The following SAMHD1 variants were observed in gnomAD, a reference collection of about 807,000 sequenced individuals.
The protein encoded by SAMHD1 is SAM and HD domain containing deoxynucleoside triphosphate triphosphohydrolase 1.
SAMHD1 carries 54 observed loss-of-function variants against 79.6 expected under a neutral mutation model. The observed-to-expected ratio is 0.68, with a 90% CI of 0.55 to 0.85. The LOEUF is 0.85. Ranked by LOEUF, SAMHD1 falls within the 40% of genes least tolerant of loss-of-function variation. The probability of loss-of-function intolerance (pLI) is 0.00; values close to 1 mark genes in which losing one functional copy is unlikely to be tolerated. For synonymous variants in SAMHD1, 260 were observed against 264.1 expected, an observed-to-expected ratio of 0.98 and a Z score of 0.15; for missense variants, 663 against 782.7, an observed-to-expected ratio of 0.85 and a Z score of 1.82.
At chr20:36,939,075 C>CAAAAA (rs1178988134) in intron 3 of SAMHD1, among the ~76,000 whole-genome samples, 2,386 of 22,516 alleles carry the variant, frequency 0.11, 169 homozygotes, top group Admixed American at 0.11. Context: ...CTAAAAATAC[C>CAAAAA]AAAAAAAAAA....
At chr20:36,936,581 C>A (rs1281698009) in intron 3 of SAMHD1, among the ~76,000 whole-genome samples, 1 of 152,044 alleles carries the variant, frequency 6.6e-6, no homozygotes, top group Non-Finnish European at 1.5e-5. Context: ...GCTGGAATTA[C>A]AGGCATGAGC....
chr20:36,910,505 G>A (rs1432008721), intron 11 of SAMHD1, among the ~76,000 whole-genome samples: 1 of 152,044 alleles, frequency 6.6e-6, no homozygotes, highest in Non-Finnish European at 1.5e-5. Context: ...GGAGGCGGGT[G>A]GATCACATGA....
At chr20:36,929,339 C>A (rs551217134) in intron 5 of SAMHD1, among the ~76,000 whole-genome samples, 88 of 152,132 alleles carry the variant, frequency 5.8e-4, no homozygotes, top group Non-Finnish European at 1.2e-3. Context: ...CAGTGGCATG[C>A]ACCTCCCTTC....
At position 36,934,246 on chromosome 20, in the gene SAMHD1, C is replaced by T. The variant is rs118149117; in HGVS notation, c.509+783G>A. Among the ~76,000 whole-genome samples, 709 of 151,726 alleles carry T rather than the reference C, an allele frequency of 4.7e-3. 12 individuals carry two copies. Among genetic ancestry groups the T allele is most frequent in the East Asian group, 0.028 (142 of 5,130 alleles). ...TAAATAAAAAGCCTCAATTTTGGGG[C>T]TGGGCACAGTGGCTCATACCTGTAA... is the stretch of plus-strand genomic sequence containing the variant. On this transcript the variant is annotated intron_variant, in intron 4 of 15. Transcript: ENST00000646673.
intron 7 of SAMHD1, 77 bp downstream of exon 7, chr20:36,919,287 G>C (rs1277887369): frequency 7.1e-7 from 1 of 1,402,824 alleles, no homozygotes; most frequent in East Asian, 2.3e-5. Flanking sequence ...ATAGCCAAAT[G>C]TATAACTCAG....
chr20:36,929,945 G>T (rs1211093006), intron 5 of SAMHD1, among the ~76,000 whole-genome samples: 1 of 151,964 alleles, frequency 6.6e-6, no homozygotes. Flanking sequence ...GAAGGACAAG[G>T]CCAGGCGCGG....
chr20:36,914,837 T>C (rs2063465954), intron 9 of SAMHD1, among the ~76,000 whole-genome samples: 1 of 147,076 alleles, frequency 6.8e-6, no homozygotes, highest in Non-Finnish European at 1.5e-5. Context: ...CGAAACCCTG[T>C]CTCTACAAAA....
intron 6 of SAMHD1, among the ~76,000 whole-genome samples, chr20:36,925,001 CAA>C: frequency 6.6e-6 from 1 of 151,622 alleles, no homozygotes; most frequent in African/African-American, 2.4e-5. Context: ...ACTAAAAATA[CAA>C]AAGTCAGCCA....
intron 9 of SAMHD1, among the ~76,000 whole-genome samples, chr20:36,913,710 A>T (rs908090669): frequency 6.6e-6 from 1 of 150,514 alleles, no homozygotes; most frequent in African/African-American, 2.4e-5. Context: ...TCCTCCCAAT[A>T]ACTCTAGGAA....
At chr20:36,924,078 C>G (rs2063522311) in intron 6 of SAMHD1, among the ~76,000 whole-genome samples, 1 of 152,068 alleles carries the variant, frequency 6.6e-6, no homozygotes, top group Non-Finnish European at 1.5e-5. Context: ...GTGAGGCCCA[C>G]TCCCTCTACA....
chr20:36,900,786 A>C (rs1014366518), intron 13 of SAMHD1, among the ~76,000 whole-genome samples: 11 of 145,510 alleles, frequency 7.6e-5, no homozygotes, highest in Middle Eastern at 3.9e-3. Flanking sequence ...GTTGGCCAGG[A>C]TGGTCTCGAT....
In SAMHD1 at chr20:36,905,669, C is replaced by A. The variant is rs544318583; in HGVS notation, c.1271-166G>T. ...TTTTAAAAGATTTAAGTGAAAAAAC[C>A]TTTTAAAACTGTTCCAGTCGGCCAG... On this transcript the variant is annotated intron_variant, in intron 11 of 15. Coordinates refer to ENST00000646673, the MANE Select transcript of SAMHD1 (RefSeq NM_015474.4). 1.9e-3 allele frequency among the ~76,000 whole-genome samples: 285 copies of A among 152,038 alleles called. 1 individual carries two copies. The highest frequency in any genetic ancestry group is 6.4e-3 in the African/African-American group (265 of 41,486).
chr20:36,904,858 G>C (rs545271539), intron 12 of SAMHD1: 1 of 181,226 alleles, frequency 5.5e-6, no homozygotes, highest in African/African-American at 2.4e-5. Flanking sequence ...TTGTGTTACG[G>C]CTTTCTGGCA....
At chr20:36,939,075 CAAAAAAAAAAAAAAAA>C (rs1178988134) in intron 3 of SAMHD1, among the ~76,000 whole-genome samples, 2 of 22,532 alleles carry the variant, frequency 8.9e-5, no homozygotes, top group African/African-American at 4.1e-4. Context: ...CTAAAAATAC[CAAAAAAAAAAAAAAAA>C]AAAAAAAAAA....
chr20:36,947,168 C>T (rs1254449191), intron 1 of SAMHD1: 2 of 232,708 alleles, frequency 8.6e-6, no homozygotes, highest in Admixed American at 5.4e-5. Flanking sequence ...TTAGAATTAA[C>T]AAGGTTTGAG....
intron 13 of SAMHD1, 156 bp downstream of exon 13, chr20:36,904,001 G>A (rs2063391175): frequency 3.2e-6 from 2 of 619,820 alleles, no homozygotes; most frequent in South Asian, 3.8e-5. Flanking sequence ...TGAACAAAAT[G>A]TTTTTGTGGT....
chr20:36,909,680 C>CAAAAAAAA (rs56389967), intron 11 of SAMHD1, among the ~76,000 whole-genome samples: 1 of 121,212 alleles, frequency 8.3e-6, no homozygotes. Flanking sequence ...CACCCCCCTC[C>CAAAAAAAA]AAAAAAAAAA....
At chr20:36,899,399 G>C (rs1990260202) in intron 13 of SAMHD1, among the ~76,000 whole-genome samples, 1 of 152,052 alleles carries the variant, frequency 6.6e-6, no homozygotes, top group South Asian at 2.1e-4. Flanking sequence ...CTGCACTCCA[G>C]CCTAGGCAAC....
chr20:36,927,035 T>C, intron 6 of SAMHD1, 147 bp downstream of exon 6: 2 of 657,990 alleles, frequency 3.0e-6, no homozygotes, highest in Non-Finnish European at 5.4e-6. Context: ...CAAAAGCATA[T>C]ATATATATAT....
Sources: gnomAD v4.1 joint callset for allele counts (sites outside exome capture counted in the v4.1 genomes callset) on GRCh38, gnomAD v4.1.1 for gene constraint, MANE v1.5 for transcripts, NCBI Gene and HGNC (gene_info 2026-07-23, HGNC 2026-07-21) for gene names.